Variants in FRMPD1 observed in about 807,000 individuals in gnomAD.
FRMPD1 encodes FERM and PDZ domain containing 1.
Under a neutral mutation model 117.8 loss-of-function variants are expected in FRMPD1, and 76 were observed. The ratio of observed to expected loss-of-function variants is 0.65; its 90% CI spans 0.54 to 0.78. FRMPD1 has a LOEUF of 0.78. FRMPD1 is among the 30% of genes least tolerant of loss of function. The probability of loss-of-function intolerance (pLI) is 0.00; values close to 1 mark genes in which losing one functional copy is unlikely to be tolerated. For missense variants in FRMPD1, 1,786 were observed against 1,964.5 expected, an observed-to-expected ratio of 0.91 and a Z score of 1.72; for synonymous variants, 783 against 770.4, an observed-to-expected ratio of 1.02 and a Z score of -0.27.
intron 6 of FRMPD1, among the ~76,000 whole-genome samples, chr9:37,723,818 C>G (rs1823500310): frequency 6.6e-6 from 1 of 151,752 alleles, no homozygotes; most frequent in African/African-American, 2.4e-5. Flanking sequence ...CATGGTGAAA[C>G]CCCATCTCTA....
At chr9:37,713,109 C>T (rs1028781465) in intron 5 of FRMPD1, among the ~76,000 whole-genome samples, 3 of 151,940 alleles carry the variant, frequency 2.0e-5, no homozygotes, top group Non-Finnish European at 2.9e-5. Flanking sequence ...CAAACTCTTA[C>T]GGGACTTTCA....
chr9:37,655,480 GCA>G (rs1820811654), intron 1 of FRMPD1, among the ~76,000 whole-genome samples: 1 of 141,996 alleles, frequency 7.0e-6, no homozygotes, highest in African/African-American at 2.6e-5. Flanking sequence ...CCCCTCCTCT[GCA>G]CCATGTCCCC....
intron 13 of FRMPD1, among the ~76,000 whole-genome samples, chr9:37,736,297 G>A (rs907936412): frequency 1.3e-5 from 2 of 151,516 alleles, no homozygotes; most frequent in African/African-American, 2.4e-5. Flanking sequence ...CACCGCGCCC[G>A]GCCCACCAGA....
rs1256007689 is a variant in FRMPD1, at chr9:37,732,528, C to T, written c.995+88C>T. 15 of 1,248,872 alleles carry T rather than the reference C, an allele frequency of 1.2e-5. No homozygotes were observed. The Admixed American group carries it at 3.1e-4, about 26-fold the overall frequency. The allele number at this position is 1,248,872 out of a possible 1,614,324, so 77.4% of individuals were successfully genotyped here. On this transcript the variant is annotated intron_variant, in intron 10 of 15. Transcript: ENST00000377765. Reference sequence around the variant, plus strand: ...CCAGATGCCACAGAAAGCTGATAGTCACCCACCTACCCATCTGTCTGTTGT... The same window carrying T: ...CCAGATGCCACAGAAAGCTGATAGTTACCCACCTACCCATCTGTCTGTTGT...
the FRMPD1 span, among the ~76,000 whole-genome samples, chr9:37,604,325 AT>A: frequency 6.6e-6 from 1 of 152,272 alleles, no homozygotes; most frequent in Non-Finnish European, 1.5e-5. Flanking sequence ...GTAACCAATC[AT>A]TACTAGTTAA....
Position 37,744,886 on chromosome 9 carries a change from A to C in FRMPD1, c.2854A>C (p.Asn952His). Reference sequence around the variant, plus strand: ...CATTCGCTTCCGGATTGACCCCAACAATAAAGAGAATTCTGGTGTTGTCCC... The same window carrying C: ...CATTCGCTTCCGGATTGACCCCAACCATAAAGAGAATTCTGGTGTTGTCCC... ...SAIRFRIDPN[N>H]KENSGVVPAA... The change falls in exon 16 of 16, where the codon AAT (asparagine) becomes CAT (histidine). Residue 952 changes from asparagine to histidine, a missense_variant. Transcript: ENST00000377765. 6 of 1,614,100 alleles carry C rather than the reference A, an allele frequency of 3.7e-6. No homozygotes were observed. Among genetic ancestry groups the C allele is most frequent in the Non-Finnish European group, 4.2e-6 (5 of 1,179,980 alleles).
intron 1 of FRMPD1, among the ~76,000 whole-genome samples, chr9:37,662,868 G>A (rs930990293): frequency 2.0e-5 from 3 of 152,194 alleles, no homozygotes; most frequent in African/African-American, 7.2e-5. Flanking sequence ...AGTACTGTTT[G>A]TGTGCCTGAG....
chr9:37,708,469 C>G lies in FRMPD1; in HGVS notation c.330C>G (p.Asp110Glu). 1 of 1,611,688 alleles carries G rather than the reference C, an allele frequency of 6.2e-7. No homozygotes were observed. Among genetic ancestry groups the G allele is most frequent in the Non-Finnish European group, 8.5e-7 (1 of 1,177,742 alleles). ...ILQMNNEPAE[D>E]LSWERAVDIL... Reference sequence around the variant, plus strand: ...AAATGAACAATGAGCCTGCTGAAGACCTTTCCTGGGAACGAGCAGTCGATA... The same window carrying G: ...AAATGAACAATGAGCCTGCTGAAGAGCTTTCCTGGGAACGAGCAGTCGATA... Residue 110 changes from aspartate (D) to glutamate (E), a missense_variant, in exon 4 of 16, where the codon GAC becomes GAG. Transcript: ENST00000377765.
intron 13 of FRMPD1, 135 bp from the exon 14 acceptor site, chr9:37,736,961 G>T (rs930801601): frequency 3.0e-6 from 2 of 675,512 alleles, no homozygotes; most frequent in Admixed American, 2.4e-5. Context: ...GAGGATATGG[G>T]GCACCAGGAG....
intron 5 of FRMPD1, among the ~76,000 whole-genome samples, chr9:37,714,735 C>T (rs546179175): frequency 6.6e-6 from 1 of 151,948 alleles, no homozygotes; most frequent in African/African-American, 2.4e-5. Flanking sequence ...CAACCTCCGC[C>T]TCCTGGGTTC....
chr9:37,734,305 A>T (rs772115645), intron 12 of FRMPD1, among the ~76,000 whole-genome samples: 4 of 152,188 alleles, frequency 2.6e-5, no homozygotes, highest in Non-Finnish European at 4.4e-5. Context: ...TATGAAGGTG[A>T]AGAGGAAAAT....
At chr9:37,625,424 A>C in the FRMPD1 span, among the ~76,000 whole-genome samples, 1 of 152,316 alleles carries the variant, frequency 6.6e-6, no homozygotes, top group African/African-American at 2.4e-5. Context: ...GCTCCCTGCC[A>C]GGAAGTCATC....
rs1242388647 is a variant in FRMPD1 at position 37,744,885 on chromosome 9, C to A, written c.2853C>A (p.Asn951Lys). Residue 951 changes from asparagine to lysine, a missense_variant, in exon 16 of 16, where the codon AAC becomes AAA. By Grantham distance (94) the Asn-to-Lys change is moderately conservative (BLOSUM62 0). Coordinates refer to ENST00000377765, the MANE Select transcript of FRMPD1 (RefSeq NM_014907.3). ...ISAIRFRIDP[N>K]NKENSGVVPA... is the part of the protein sequence containing the mutation. The stretch of plus-strand genomic sequence containing the variant: ...CCATTCGCTTCCGGATTGACCCCAA[C>A]AATAAAGAGAATTCTGGTGTTGTCC... The A allele has an allele frequency of 2.5e-6, 4 of 1,614,184 alleles. No individual in the cohort carries two copies. Among genetic ancestry groups the A allele is most frequent in the Non-Finnish European group, 1.7e-6 (2 of 1,180,012 alleles).
At chr9:37,674,803 A>G (rs902148586) in intron 1 of FRMPD1, among the ~76,000 whole-genome samples, 2 of 152,186 alleles carry the variant, frequency 1.3e-5, no homozygotes, top group Admixed American at 1.3e-4. Context: ...CACAGGAAAG[A>G]CTAGCCCCTA....
At position 37,727,468 on chromosome 9, in the gene FRMPD1, A is replaced by G. The variant is rs576035527; in HGVS notation, c.613-2260A>G. Reference sequence around the variant, plus strand: ...GCTACAGTTTGCCAACCTTTGCTCTATGTGCAAGTTGGAGAACAGATGGGT... The same window carrying G: ...GCTACAGTTTGCCAACCTTTGCTCTGTGTGCAAGTTGGAGAACAGATGGGT... On this transcript the variant is annotated intron_variant, in intron 7 of 15. Transcript: ENST00000377765. 1.4e-4 allele frequency among the ~76,000 whole-genome samples: 21 copies of G among 152,214 alleles called. No individual in the cohort carries two copies. In the East Asian group the frequency reaches 1.9e-3, roughly 14 times the overall value.
the FRMPD1 span, among the ~76,000 whole-genome samples, chr9:37,633,378 C>T: frequency 6.6e-6 from 1 of 152,212 alleles, no homozygotes; most frequent in African/African-American, 2.4e-5. Flanking sequence ...AGTTAAATTT[C>T]TTTCTAGAAA....
Position 37,719,165 on chromosome 9 carries a change from G to T in FRMPD1, c.505G>T (p.Gly169Ter), listed in dbSNP as rs866778035. 1.9e-6 allele frequency: 3 copies of T among 1,603,456 alleles called. No individual in the cohort carries two copies. Among genetic ancestry groups the T allele is most frequent in the Non-Finnish European group, 2.6e-6 (3 of 1,170,422 alleles). ...VHFAEEVLIS[G>*]HSQGNSLLCM... ...CTTTGCTGAAGAAGTGCTCATCAGT[G>T]GACACAGCCAGGTGTGTCACTAGTC... The change falls in exon 6 of 16, where the codon GGA (glycine) becomes TGA (stop). Residue 169 changes from glycine to a stop codon, truncating the protein, a stop_gained. Coordinates refer to ENST00000377765, the MANE Select transcript of FRMPD1 (RefSeq NM_014907.3). LOFTEE classifies it high-confidence loss of function.
the FRMPD1 span, among the ~76,000 whole-genome samples, chr9:37,604,887 A>G: frequency 6.6e-6 from 1 of 152,232 alleles, no homozygotes; most frequent in Non-Finnish European, 1.5e-5. Flanking sequence ...ATTATTGAGC[A>G]TTTCTGCTGT....
chr9:37,684,911 G>A (rs73445119), intron 1 of FRMPD1, among the ~76,000 whole-genome samples: 3,914 of 152,136 alleles, frequency 0.026, 158 homozygotes, highest in African/African-American at 0.089. Context: ...GCACCACCAC[G>A]TTCAGCTAAC....
Sources: allele counts gnomAD v4.1 joint callset (sites outside exome capture counted in the v4.1 genomes callset), GRCh38; gene constraint gnomAD v4.1.1; transcripts MANE v1.5; gene names NCBI Gene and HGNC (gene_info 2026-07-23, HGNC 2026-07-21).